OR14I1: variants seen among roughly 807,000 people sequenced by gnomAD.
OR14I1 encodes the protein olfactory receptor family 14 subfamily I member 1, also known as olfactory receptor 14I1.
For synonymous variants in OR14I1, 118 were observed against 71.1 expected, an observed-to-expected ratio of 1.66 and a Z score of -3.32; for missense variants, 279 against 181.8, an observed-to-expected ratio of 1.53 and a Z score of -3.07.
At chr1:248,685,971 A>C (rs1313609940), upstream of OR14I1, among the ~76,000 whole-genome samples, 1 of 152,056 alleles carries the variant, frequency 6.6e-6, no homozygotes, top group Non-Finnish European at 1.5e-5. Context: ...ACCTATTCAA[A>C]ATATTAGGCA....
downstream of OR14I1, among the ~76,000 whole-genome samples, chr1:248,680,013 C>T (rs2154333): frequency 0.67 from 101,872 of 152,044 alleles, 36,566 homozygotes; most frequent in South Asian, 0.81. Flanking sequence ...GGAAAAAACA[C>T]ATATTAAGCA....
chr1:248,693,203 G>A, the OR14I1 span, among the ~76,000 whole-genome samples: 1 of 152,182 alleles, frequency 6.6e-6, no homozygotes, highest in African/African-American at 2.4e-5. Context: ...CGTCACCTGG[G>A]TGGTGTACTA....
At chr1:248,681,535 G>A (rs1661562417) in exon 1 of OR14I1, 1 of 781,034 alleles carries the variant, frequency 1.3e-6, no homozygotes, top group South Asian at 1.3e-5. Context: ...TGGTCCTAAG[G>A]CAGCAAAGAG....
At chr1:248,686,779 C>T (rs761202322), upstream of OR14I1, among the ~76,000 whole-genome samples, 28 of 119,858 alleles carry the variant, frequency 2.3e-4, 4 homozygotes, top group Non-Finnish European at 4.3e-4. Context: ...GATTAAATAA[C>T]ATGTAGCTTC....
upstream of OR14I1, among the ~76,000 whole-genome samples, chr1:248,685,170 A>G (rs1354312378): frequency 6.6e-6 from 1 of 152,008 alleles, no homozygotes; most frequent in Non-Finnish European, 1.5e-5. Flanking sequence ...GATTAAATAA[A>G]ATACCTCACA....
At chr1:248,696,834 C>T in the OR14I1 span, among the ~76,000 whole-genome samples, 1 of 152,104 alleles carries the variant, frequency 6.6e-6, no homozygotes, top group African/African-American at 2.4e-5. Flanking sequence ...AAATGAGCTC[C>T]ATAATGGCAG....
At chr1:248,702,240 T>TA in the OR14I1 span, among the ~76,000 whole-genome samples, 1 of 152,136 alleles carries the variant, frequency 6.6e-6, no homozygotes, top group Non-Finnish European at 1.5e-5. Flanking sequence ...TCCAAAGTCT[T>TA]ATCTGAGGCA....
At chr1:248,686,957 G>A (rs547088385), upstream of OR14I1, among the ~76,000 whole-genome samples, 2 of 152,288 alleles carry the variant, frequency 1.3e-5, no homozygotes, top group East Asian at 3.9e-4. Context: ...GTTTCCCATA[G>A]AGACTGGGCC....
chr1:248,692,123 G>A, the OR14I1 span: 2 of 152,468 alleles, frequency 1.3e-5, no homozygotes, highest in African/African-American at 4.8e-5. Context: ...CTTCCAGACG[G>A]AGCGACGGGG....
downstream of OR14I1, among the ~76,000 whole-genome samples, chr1:248,681,042 G>A (rs1301537715): frequency 6.6e-6 from 1 of 151,100 alleles, no homozygotes; most frequent in Non-Finnish European, 1.5e-5. Flanking sequence ...GGAGTGCAAG[G>A]CTACAGGTTC....
the OR14I1 span, among the ~76,000 whole-genome samples, chr1:248,695,283 G>T: frequency 1.4e-5 from 2 of 147,140 alleles, no homozygotes; most frequent in Non-Finnish European, 3.0e-5. Context: ...GCCCGGGCTG[G>T]AGTGCAGTGG....
At chr1:248,679,034 T>C (rs1000765208), downstream of OR14I1, among the ~76,000 whole-genome samples, 9 of 152,214 alleles carry the variant, frequency 5.9e-5, no homozygotes, top group African/African-American at 2.2e-4. Flanking sequence ...TAAAAAGCTG[T>C]TAGATCCTGA....
At chr1:248,694,782 T>G in the OR14I1 span, among the ~76,000 whole-genome samples, 1 of 152,226 alleles carries the variant, frequency 6.6e-6, no homozygotes, top group African/African-American at 2.4e-5. Flanking sequence ...GTGCAAATTG[T>G]TCTCAAAAAG....
At chr1:248,698,606 A>T in the OR14I1 span, among the ~76,000 whole-genome samples, 1 of 152,226 alleles carries the variant, frequency 6.6e-6, no homozygotes. Context: ...AGTTGGAAAA[A>T]AGTTCATATA....
chr1:248,685,317 T>A (rs962386140), upstream of OR14I1, among the ~76,000 whole-genome samples: 2 of 152,192 alleles, frequency 1.3e-5, no homozygotes, highest in African/African-American at 4.8e-5. Flanking sequence ...AAAACTGGGT[T>A]TTTGTTCTGA....
chr1:248,678,668 C>T (rs1426584401), downstream of OR14I1, among the ~76,000 whole-genome samples: 1 of 152,148 alleles, frequency 6.6e-6, no homozygotes, highest in Non-Finnish European at 1.5e-5. Context: ...AGCCTTAATT[C>T]TAAATCCAGC....
At chr1:248,697,494 A>AC in the OR14I1 span, among the ~76,000 whole-genome samples, 1 of 151,696 alleles carries the variant, frequency 6.6e-6, no homozygotes, top group African/African-American at 2.4e-5. Flanking sequence ...AAAAAAAAAA[A>AC]AAAAACATGG....
At chr1:248,679,459 A>G (rs1236657019), downstream of OR14I1, among the ~76,000 whole-genome samples, 2 of 151,942 alleles carry the variant, frequency 1.3e-5, no homozygotes, top group Non-Finnish European at 2.9e-5. Flanking sequence ...TATATGCTAT[A>G]TTATACTATG....
chr1:248,681,343 T>A (rs1418965566), exon 1 of OR14I1: 3 of 649,706 alleles, frequency 4.6e-6, no homozygotes, highest in Middle Eastern at 2.6e-4. Context: ...TTGTTGCAGA[T>A]CTTCTATAGT....
Sources: gnomAD v4.1 joint callset for allele counts (sites outside exome capture counted in the v4.1 genomes callset) on GRCh38, gnomAD v4.1.1 for gene constraint, MANE v1.5 for transcripts, NCBI Gene and HGNC (gene_info 2026-07-23, HGNC 2026-07-21) for gene names.